The following SCAPER variants were observed in gnomAD, a reference collection of about 807,000 sequenced individuals.
SCAPER encodes the protein S phase cyclin A-associated protein in the endoplasmic reticulum.
In SCAPER, 98 loss-of-function variants were observed where a neutral mutation model predicts 182.2. The observed-to-expected ratio is 0.54, with a 90% CI of 0.46 to 0.64. The LOEUF is 0.64. Among genes scored for constraint, SCAPER ranks in the 30% least tolerant of loss-of-function variants. The pLI, the probability that SCAPER is intolerant of heterozygous loss-of-function variation, is 0.00. For synonymous variants in SCAPER, 605 were observed against 564.6 expected (o/e 1.07, Z -1.01); for missense variants, 1,432 against 1,690.0 (o/e 0.85, Z 2.68).
At chr15:76,749,396 G>A (rs1032098635) in intron 15 of SCAPER, among the ~76,000 whole-genome samples, 2 of 151,944 alleles carry the variant, frequency 1.3e-5, no homozygotes, top group Non-Finnish European at 2.9e-5. Flanking sequence ...TGTACTTAAT[G>A]GTGAAGAGTA....
chr15:76,774,261 T>C (rs2063619745), intron 9 of SCAPER: 1 of 250,918 alleles, frequency 4.0e-6, no homozygotes, highest in South Asian at 4.3e-5. Context: ...CAAAGGACAA[T>C]GTACAAAAAA....
intron 26 of SCAPER, among the ~76,000 whole-genome samples, chr15:76,424,643 A>G (rs1331756109): frequency 6.6e-6 from 1 of 152,130 alleles, no homozygotes; most frequent in Non-Finnish European, 1.5e-5. Flanking sequence ...GTTATGTGTG[A>G]ATTTGATCCT....
chr15:76,884,041 C>G (rs1276962206), intron 1 of SCAPER, among the ~76,000 whole-genome samples, 165 bp from the exon 2 acceptor site: 1 of 152,076 alleles, frequency 6.6e-6, no homozygotes, highest in African/African-American at 2.4e-5. Context: ...TTTAAATATT[C>G]CATGCTGAAC....
At chr15:76,840,417 CAA>C (rs35131345) in intron 5 of SCAPER, among the ~76,000 whole-genome samples, 174 of 103,194 alleles carry the variant, frequency 1.7e-3, no homozygotes, top group Middle Eastern at 5.8e-3. Flanking sequence ...AGACCTGCCT[CAA>C]AAAAAAAAAA....
intron 20 of SCAPER, among the ~76,000 whole-genome samples, chr15:76,699,051 T>C (rs1463895090): frequency 6.6e-6 from 1 of 152,226 alleles, no homozygotes. Flanking sequence ...GAGTTCTTGA[T>C]TTGGGTCTCA....
intron 25 of SCAPER, among the ~76,000 whole-genome samples, chr15:76,459,544 T>TTTG (rs1441167846): frequency 3.8e-3 from 2 of 530 alleles, no homozygotes; most frequent in Admixed American, 0.077. Context: ...ATTATTAGGG[T>TTTG]TTTTTTTTTT....
At chr15:76,846,040 C>G (rs2070044302) in intron 4 of SCAPER, among the ~76,000 whole-genome samples, 1 of 152,000 alleles carries the variant, frequency 6.6e-6, no homozygotes, top group African/African-American at 2.4e-5. Flanking sequence ...AAAAAAAAAT[C>G]ATACACCTAC....
chr15:76,675,809 G>A (rs1227651329), intron 20 of SCAPER, among the ~76,000 whole-genome samples: 1 of 151,776 alleles, frequency 6.6e-6, no homozygotes, highest in African/African-American at 2.4e-5. Context: ...TCAGGGGTGG[G>A]TAGTCCATTC....
chr15:76,592,762 G>A lies in SCAPER; in HGVS notation c.2712-18478C>T, dbSNP rs1330174922. On this transcript the variant is annotated intron_variant, in intron 22 of 31. Transcript: ENST00000563290. The stretch of plus-strand genomic sequence containing the variant: ...TAGCCAAGGGAAGCCTTGAGGGACT[G>A]TGCCTTGAGGAATGGTGCACTCCAG... Among the ~76,000 whole-genome samples, 2 of 122,004 alleles carry A rather than the reference G, an allele frequency of 1.6e-5. 1 individual carries two copies. Among genetic ancestry groups the A allele is most frequent in the Non-Finnish European group, 4.0e-5 (2 of 50,018 alleles). 80.0% of individuals were successfully genotyped at this position (122,004 alleles called of 152,430 possible).
Position 76,348,583 on chromosome 15 carries a change from C to T in SCAPER, c.*50G>A, listed in dbSNP as rs1356400928. 5 of 1,252,610 alleles carry T rather than the reference C, an allele frequency of 4.0e-6. No individual in the cohort carries two copies. In the East Asian group the frequency reaches 1.3e-4, roughly 32 times the overall value. 77.6% of individuals were successfully genotyped at this position (1,252,610 alleles called of 1,614,324 possible). A position where few individuals can be genotyped will look rare whatever the true frequency, so the allele number is the denominator to read the frequency against. On this transcript the variant is annotated 3_prime_UTR_variant, in exon 32 of 32. Coordinates refer to ENST00000563290, the MANE Select transcript of SCAPER (RefSeq NM_020843.4). The stretch of plus-strand genomic sequence containing the variant: ...GGAACAATTAGAATGTTTGTTTGGA[C>T]AATTTAAAATATTAACAAGGGTACT...
intron 24 of SCAPER, among the ~76,000 whole-genome samples, chr15:76,483,295 C>CAAAA (rs61261703): frequency 7.5e-6 from 1 of 133,026 alleles, no homozygotes; most frequent in African/African-American, 2.8e-5. Context: ...TATTCACATG[C>CAAAA]AAAAAAAAAA....
intron 23 of SCAPER, among the ~76,000 whole-genome samples, chr15:76,547,670 A>G (rs2045411633): frequency 6.6e-6 from 1 of 151,990 alleles, no homozygotes; most frequent in South Asian, 2.1e-4. Context: ...GTGGTTATTC[A>G]TTTGCTCACT....
intron 22 of SCAPER, among the ~76,000 whole-genome samples, chr15:76,598,431 C>A (rs1309670610): frequency 1.6e-5 from 2 of 121,222 alleles, no homozygotes; most frequent in Non-Finnish European, 4.0e-5. Flanking sequence ...TGCCATTTGA[C>A]CCAGCAATCC....
At chr15:76,851,369 C>T (rs527533363) in intron 4 of SCAPER, among the ~76,000 whole-genome samples, 1 of 152,154 alleles carries the variant, frequency 6.6e-6, no homozygotes, top group East Asian at 1.9e-4. Flanking sequence ...AGAAGATCAA[C>T]CCCCAAGACA....
chr15:76,517,751 GT>G (rs1035958379), intron 23 of SCAPER, among the ~76,000 whole-genome samples: 1 of 151,964 alleles, frequency 6.6e-6, no homozygotes, highest in Non-Finnish European at 1.5e-5. Context: ...TTGATTTTCT[GT>G]TTTTCTATTG....
At chr15:76,675,295 C>G (rs2057301641) in intron 20 of SCAPER, among the ~76,000 whole-genome samples, 1 of 152,162 alleles carries the variant, frequency 6.6e-6, no homozygotes, top group South Asian at 2.1e-4. Flanking sequence ...CATCTAAGAC[C>G]TGAACTTAAA....
intron 6 of SCAPER, among the ~76,000 whole-genome samples, chr15:76,801,417 T>C (rs1368240659): frequency 6.6e-6 from 1 of 152,218 alleles, no homozygotes; most frequent in African/African-American, 2.4e-5. Flanking sequence ...AACAAATATA[T>C]AAATATTTAC....
intron 6 of SCAPER, among the ~76,000 whole-genome samples, chr15:76,801,925 A>AT (rs2065824324): frequency 6.6e-6 from 1 of 151,820 alleles, no homozygotes; most frequent in South Asian, 2.1e-4. Flanking sequence ...AAAAAAAAAA[A>AT]GGGATGCCTC....
intron 21 of SCAPER, among the ~76,000 whole-genome samples, chr15:76,629,504 T>C (rs569842918): frequency 8.5e-5 from 13 of 152,364 alleles, no homozygotes; most frequent in African/African-American, 2.9e-4. Context: ...CTTTTCTGTG[T>C]CTATTGAGAT....
Sources: gnomAD v4.1 joint callset for allele counts (sites outside exome capture counted in the v4.1 genomes callset) on GRCh38, gnomAD v4.1.1 for gene constraint, MANE v1.5 for transcripts, NCBI Gene and HGNC (gene_info 2026-07-23, HGNC 2026-07-21) for gene names.